The following FER variants were observed in gnomAD, a reference collection of about 807,000 sequenced individuals.
FER encodes the protein FER tyrosine kinase, also known as tyrosine-protein kinase Fer.
A neutral mutation model predicts 111.0 loss-of-function variants in FER; 63 were observed. That is an observed-to-expected ratio of 0.57 (90% CI 0.46 to 0.70). The LOEUF is 0.70. FER is among the 30% of genes least tolerant of loss of function. FER has a pLI of 0.00. For missense variants in FER, 914 were observed against 954.0 expected, an observed-to-expected ratio of 0.96 and a Z score of 0.55; for synonymous variants, 327 against 313.9, an observed-to-expected ratio of 1.04 and a Z score of -0.44.
intron 1 of FER, among the ~76,000 whole-genome samples, chr5:108,751,492 G>A (rs1008783139): frequency 6.6e-6 from 1 of 152,096 alleles, no homozygotes; most frequent in African/African-American, 2.4e-5. Flanking sequence ...AAAACGTTTT[G>A]CTTCAAAATT....
chr5:108,985,905 CAA>C (rs1263743412), intron 13 of FER, among the ~76,000 whole-genome samples: 1 of 152,124 alleles, frequency 6.6e-6, no homozygotes, highest in Non-Finnish European at 1.5e-5. Flanking sequence ...CATGTGTATG[CAA>C]ATACCTTTTT....
intron 17 of FER, among the ~76,000 whole-genome samples, chr5:109,130,839 C>T (rs189751454): frequency 1.8e-4 from 27 of 152,186 alleles, no homozygotes; most frequent in African/African-American, 5.5e-4. Flanking sequence ...ACAAGGGAAT[C>T]CTTTTTACTC....
At chr5:109,175,694 A>G (rs1396940266) in intron 17 of FER, among the ~76,000 whole-genome samples, 1 of 152,228 alleles carries the variant, frequency 6.6e-6, no homozygotes, top group African/African-American at 2.4e-5. Context: ...TTTGCAAACT[A>G]TTCATCTGAC....
intron 13 of FER, among the ~76,000 whole-genome samples, chr5:108,995,420 C>T (rs988716987): frequency 2.6e-5 from 4 of 151,824 alleles, no homozygotes; most frequent in African/African-American, 7.3e-5. Context: ...TCTACTAGCC[C>T]CCCACCCCCC....
chr5:109,010,424 T>C (rs551840221), intron 13 of FER, among the ~76,000 whole-genome samples: 5 of 152,314 alleles, frequency 3.3e-5, no homozygotes, highest in African/African-American at 7.2e-5. Flanking sequence ...CTCAAAGCAT[T>C]GGAATTACAG....
chr5:108,879,164 C>G lies in FER; in HGVS notation c.924-4232C>G, dbSNP rs191498954. The stretch of plus-strand genomic sequence containing the variant: ...GGTAGGGTCATTTTATGACTTTTAA[C>G]TGCTTTGCCTTATAATATTATAATA... On this transcript the variant is annotated intron_variant, in intron 8 of 19. Transcript: ENST00000281092. Among the ~76,000 whole-genome samples, 305 of 152,026 alleles carry G rather than the reference C, an allele frequency of 2.0e-3. 4 individuals carry two copies. The highest frequency in any genetic ancestry group is 6.8e-3 in the African/African-American group (280 of 41,478).
At chr5:109,003,619 T>C (rs1765110777) in intron 13 of FER, among the ~76,000 whole-genome samples, 1 of 151,588 alleles carries the variant, frequency 6.6e-6, no homozygotes, top group South Asian at 2.1e-4. Context: ...AGTATAATAA[T>C]AATAAAATTA....
intron 10 of FER, among the ~76,000 whole-genome samples, chr5:108,901,882 T>G (rs1435887434): frequency 6.6e-6 from 1 of 152,168 alleles, no homozygotes. Context: ...GGTGTGTAGT[T>G]TGAGACTGCA....
intron 8 of FER, among the ~76,000 whole-genome samples, chr5:108,880,581 T>C (rs751112147): frequency 9.2e-5 from 14 of 152,120 alleles, no homozygotes; most frequent in Non-Finnish European, 1.8e-4. Flanking sequence ...ACAATGATCT[T>C]GAATCTTAAT....
At chr5:108,796,559 A>G (rs1028645362) in intron 2 of FER, among the ~76,000 whole-genome samples, 2 of 152,126 alleles carry the variant, frequency 1.3e-5, no homozygotes, top group Non-Finnish European at 2.9e-5. Flanking sequence ...GCCCTATTCT[A>G]CAGCTAAACT....
In FER at chr5:109,192,630, C is replaced by CTGAT. The variant is rs1759457758; in HGVS notation, c.*5057_*5060dup. On this transcript the variant is annotated 3_prime_UTR_variant, in exon 20 of 20. Coordinates refer to ENST00000281092, the MANE Select transcript of FER (RefSeq NM_005246.4). ...TTTAATATTTCTTAAGCTAAGATCA[C>CTGAT]TGATTATCCACACGTTATTAGAAAT... 6.6e-6 allele frequency: 1 copy of CTGAT among 152,170 alleles called. No individual in the cohort carries two copies. The highest frequency in any genetic ancestry group is 1.5e-5 in the Non-Finnish European group (1 of 68,026). The allele number at this position is 152,170 out of a possible 1,614,324, so 9.4% of individuals were successfully genotyped here.
At chr5:109,063,029 A>C (rs1185002506) in intron 16 of FER, among the ~76,000 whole-genome samples, 1 of 152,174 alleles carries the variant, frequency 6.6e-6, no homozygotes, top group African/African-American at 2.4e-5. Context: ...TTTATGGTTT[A>C]AAAAAAGTAA....
At chr5:109,124,915 G>A (rs1429386233) in intron 17 of FER, among the ~76,000 whole-genome samples, 3 of 151,520 alleles carry the variant, frequency 2.0e-5, no homozygotes, top group Admixed American at 6.6e-5. Context: ...GCGTAGTGGC[G>A]GGCACCTGTA....
chr5:108,989,363 C>G (rs953779876), intron 13 of FER, among the ~76,000 whole-genome samples: 5 of 152,008 alleles, frequency 3.3e-5, no homozygotes, highest in African/African-American at 1.2e-4. Context: ...CTGCAATATT[C>G]TTCAGTTGCT....
At chr5:108,863,244 C>T (rs572506763) in intron 5 of FER, among the ~76,000 whole-genome samples, 3 of 152,158 alleles carry the variant, frequency 2.0e-5, no homozygotes, top group South Asian at 4.2e-4. Context: ...CTCAGCCTCC[C>T]GATTGGCTGG....
At chr5:108,758,112 C>T (rs1751320236) in intron 1 of FER, among the ~76,000 whole-genome samples, 1 of 152,156 alleles carries the variant, frequency 6.6e-6, no homozygotes, top group Non-Finnish European at 1.5e-5. Flanking sequence ...AGACAAGAGG[C>T]AAGCTGTTGC....
At chr5:109,135,490 C>T (rs1752788014) in intron 17 of FER, among the ~76,000 whole-genome samples, 1 of 152,090 alleles carries the variant, frequency 6.6e-6, no homozygotes, top group Non-Finnish European at 1.5e-5. Context: ...TTTTGCAAGT[C>T]GCAATGGTTA....
intron 17 of FER, among the ~76,000 whole-genome samples, chr5:109,167,581 A>G (rs1036806599): frequency 6.6e-6 from 1 of 152,188 alleles, no homozygotes. Context: ...ATTTGTGCCA[A>G]AATAACAAGG....
intron 10 of FER, among the ~76,000 whole-genome samples, chr5:108,930,241 G>A (rs1754363129): frequency 6.6e-6 from 1 of 150,680 alleles, no homozygotes; most frequent in Non-Finnish European, 1.5e-5. Context: ...CAAACTCCTG[G>A]CTTCAAGCAG....
Sources: gnomAD v4.1 joint callset for allele counts (sites outside exome capture counted in the v4.1 genomes callset) on GRCh38, gnomAD v4.1.1 for gene constraint, MANE v1.5 for transcripts, NCBI Gene and HGNC (gene_info 2026-07-23, HGNC 2026-07-21) for gene names.